LHFPL3: variants seen among roughly 807,000 people sequenced by gnomAD.
LHFPL3 encodes LHFPL tetraspan subfamily member 3 protein.
A neutral mutation model predicts 19.3 loss-of-function variants in LHFPL3; 5 were observed. The observed-to-expected ratio is 0.26, with a 90% CI of 0.14 to 0.54. The LOEUF is 0.54. Among genes scored for constraint, LHFPL3 ranks in the 20% least tolerant of loss-of-function variants. The pLI, the probability that LHFPL3 is intolerant of heterozygous loss-of-function variation, is 0.94. For synonymous variants in LHFPL3, 133 were observed against 126.2 expected, an observed-to-expected ratio of 1.05 and a Z score of -0.36; for missense variants, 249 against 307.4, an observed-to-expected ratio of 0.81 and a Z score of 1.42.
At chr7:104,800,257 T>C (rs1005900741) in intron 2 of LHFPL3, among the ~76,000 whole-genome samples, 4 of 152,180 alleles carry the variant, frequency 2.6e-5, no homozygotes, top group Non-Finnish European at 5.9e-5. Flanking sequence ...CTTCAGAGAA[T>C]TGTTTTTTAA....
intron 1 of LHFPL3, among the ~76,000 whole-genome samples, chr7:104,497,388 A>AAC: frequency 6.6e-6 from 1 of 152,094 alleles, no homozygotes; most frequent in African/African-American, 2.4e-5. Context: ...TTTTAATTTA[A>AAC]ACACACACAC....
intron 2 of LHFPL3, among the ~76,000 whole-genome samples, chr7:104,877,287 T>A (rs896014036): frequency 2.7e-5 from 4 of 148,018 alleles, no homozygotes; most frequent in Admixed American, 6.7e-5. Context: ...AAAAAAAAAA[T>A]TGAGGATTAC....
At chr7:104,796,686 G>A (rs1000962846) in intron 2 of LHFPL3, 1 of 152,632 alleles carries the variant, frequency 6.6e-6, no homozygotes, top group African/African-American at 2.4e-5. Flanking sequence ...CTAGGTCTTA[G>A]AAAACCCGGC....
At chr7:104,575,992 C>T (rs1790330744) in intron 1 of LHFPL3, among the ~76,000 whole-genome samples, 1 of 152,076 alleles carries the variant, frequency 6.6e-6, no homozygotes, top group African/African-American at 2.4e-5. Flanking sequence ...ATGTCCCTCT[C>T]CTGAGGGCAA....
At chr7:104,460,448 T>C (rs10267541) in intron 1 of LHFPL3, among the ~76,000 whole-genome samples, 27,719 of 152,120 alleles carry the variant, frequency 0.18, 2,551 homozygotes, top group African/African-American at 0.22. Context: ...AATAGTTGAA[T>C]GAATTTACAC....
chr7:104,360,694 CGTGTGTGTGTGTGTGTGTGTGTGTGT>C (rs61216282), intron 1 of LHFPL3, among the ~76,000 whole-genome samples: 22 of 144,348 alleles, frequency 1.5e-4, no homozygotes, highest in African/African-American at 3.1e-4. Flanking sequence ...AAAGTGCTTC[CGTGTGTGTGTGTGTGTGTGTGTGTGT>C]GTGTGTGTGT....
intron 2 of LHFPL3, among the ~76,000 whole-genome samples, chr7:104,827,709 TTG>T (rs1484336047): frequency 6.6e-6 from 1 of 151,890 alleles, no homozygotes; most frequent in Non-Finnish European, 1.5e-5. Flanking sequence ...ATTAATTTAT[TTG>T]TGTCTTTTGT....
chr7:104,699,754 C>T (rs1198473203), intron 1 of LHFPL3, among the ~76,000 whole-genome samples: 1 of 152,192 alleles, frequency 6.6e-6, no homozygotes, highest in African/African-American at 2.4e-5. Context: ...TCCCCAGCAT[C>T]CCCTCGCAGG....
intron 2 of LHFPL3, among the ~76,000 whole-genome samples, chr7:104,777,753 C>CT (rs1013820511): frequency 7.9e-4 from 115 of 145,958 alleles, no homozygotes; most frequent in Admixed American, 1.5e-3. Flanking sequence ...TGATGAACTT[C>CT]TTTTTTTTTT....
At chr7:104,372,843 C>T (rs960992680) in intron 1 of LHFPL3, among the ~76,000 whole-genome samples, 2 of 152,100 alleles carry the variant, frequency 1.3e-5, no homozygotes, top group Non-Finnish European at 2.9e-5. Context: ...TGGAAATGTT[C>T]TCTTGTGATT....
intron 1 of LHFPL3, among the ~76,000 whole-genome samples, chr7:104,545,277 A>G (rs1210614337): frequency 1.3e-5 from 2 of 152,134 alleles, no homozygotes; most frequent in Admixed American, 6.6e-5. Context: ...ACCTCACCAT[A>G]TGGCATCAGC....
chr7:104,341,503 T>A (rs1789952130), intron 1 of LHFPL3, among the ~76,000 whole-genome samples: 1 of 152,244 alleles, frequency 6.6e-6, no homozygotes, highest in African/African-American at 2.4e-5. Flanking sequence ...TTGTGGTGAC[T>A]ATTTAGAGCT....
intron 1 of LHFPL3, among the ~76,000 whole-genome samples, chr7:104,590,844 A>C (rs999546857): frequency 6.6e-6 from 1 of 152,164 alleles, no homozygotes; most frequent in African/African-American, 2.4e-5. Flanking sequence ...TTCTTGTTGA[A>C]TTGATCCCTT....
rs1231510900 is a variant in LHFPL3 at position 104,402,992 on chromosome 7, T to C, written c.445+73768T>C. Among the ~76,000 whole-genome samples, 3 of 152,234 alleles carry C rather than the reference T, an allele frequency of 2.0e-5. 1 individual carries two copies. The highest frequency in any genetic ancestry group is 3.4e-3 in the Middle Eastern group (1 of 294). ...CACACTGCACATTCTCACTCGTAAGTTGGAGTTGAACAATTGGAACACGTG... is the reference window on the plus strand; with the variant it reads ...CACACTGCACATTCTCACTCGTAAGCTGGAGTTGAACAATTGGAACACGTG... On this transcript the variant is annotated intron_variant, in intron 1 of 2. Transcript: ENST00000424859.
Position 104,495,573 on chromosome 7 carries a change from T to C in LHFPL3, c.445+166349T>C, listed in dbSNP as rs192168058. Among the ~76,000 whole-genome samples the C allele has an allele frequency of 3.9e-3, 596 of 152,196 alleles. 4 individuals are homozygous for C. Among genetic ancestry groups the C allele is most frequent in the African/African-American group, 0.01 (417 of 41,522 alleles). On this transcript the variant is annotated intron_variant, in intron 1 of 2. Coordinates refer to ENST00000424859, the MANE Select transcript of LHFPL3 (RefSeq NM_199000.3). ...TAATTTTTTGTATTTTTAGTAGAGA[T>C]GGGGTTTCACCATGTTAGCCAGGAT...
intron 1 of LHFPL3, among the ~76,000 whole-genome samples, chr7:104,500,713 C>G (rs1793583904): frequency 6.6e-6 from 1 of 152,190 alleles, no homozygotes; most frequent in African/African-American, 2.4e-5. Context: ...AGTGAATTTT[C>G]TAAACACAAA....
chr7:104,579,087 T>A (rs1457810673), intron 1 of LHFPL3, among the ~76,000 whole-genome samples: 1 of 152,222 alleles, frequency 6.6e-6, no homozygotes, highest in African/African-American at 2.4e-5. Flanking sequence ...AAAACATTTT[T>A]AATCTTGCTT....
intron 1 of LHFPL3, chr7:104,622,964 AT>A: frequency 9.3e-6 from 3 of 321,564 alleles, no homozygotes; most frequent in Non-Finnish European, 1.3e-5. Flanking sequence ...TTTATCTGTC[AT>A]TTTTATTATA....
chr7:104,875,763 G>A (rs1465343176), intron 2 of LHFPL3, among the ~76,000 whole-genome samples: 2 of 152,234 alleles, frequency 1.3e-5, no homozygotes, highest in African/African-American at 4.8e-5. Flanking sequence ...GTCAAGTACT[G>A]ATTCCATCTT....
Sources: allele counts gnomAD v4.1 joint callset (sites outside exome capture counted in the v4.1 genomes callset), GRCh38; gene constraint gnomAD v4.1.1; transcripts MANE v1.5; gene names NCBI Gene and HGNC (gene_info 2026-07-23, HGNC 2026-07-21).